Variants in ELAPOR1 observed in about 807,000 individuals in gnomAD.
ELAPOR1 encodes endosome-lysosome associated apoptosis and autophagy regulator 1.
In ELAPOR1, 77 loss-of-function variants were observed where a neutral mutation model predicts 119.7. The observed-to-expected ratio is 0.64, with a 90% CI of 0.54 to 0.78. The LOEUF is 0.78. ELAPOR1 is among the 30% of genes least tolerant of loss of function. The pLI is 0.00. For missense variants in ELAPOR1, 1,115 were observed against 1,270.4 expected (o/e 0.88, Z 1.86); for synonymous variants, 481 against 487.2 (o/e 0.99, Z 0.17).
chr1:109,170,679 G>C (rs1225959951), intron 3 of ELAPOR1, among the ~76,000 whole-genome samples: 1 of 152,202 alleles, frequency 6.6e-6, no homozygotes, highest in Admixed American at 6.5e-5. Flanking sequence ...CAGGGAGTCA[G>C]TCCCAGGGGT....
At chr1:109,120,959 G>A (rs1242163391) in intron 1 of ELAPOR1, among the ~76,000 whole-genome samples, 1 of 152,182 alleles carries the variant, frequency 6.6e-6, no homozygotes, top group Non-Finnish European at 1.5e-5. Flanking sequence ...AAACAGAAAT[G>A]TCACTCAATA....
chr1:109,180,952 G>T (rs1264846913), intron 7 of ELAPOR1, among the ~76,000 whole-genome samples: 1 of 152,112 alleles, frequency 6.6e-6, no homozygotes, highest in Non-Finnish European at 1.5e-5. Flanking sequence ...GACAGAGTGA[G>T]GCCCTGTCTC....
At chr1:109,144,765 T>C (rs1378146858) in intron 1 of ELAPOR1, among the ~76,000 whole-genome samples, 1 of 152,104 alleles carries the variant, frequency 6.6e-6, no homozygotes, top group African/African-American at 2.4e-5. Context: ...GAAATGGAAT[T>C]CTAGGATTGG....
At chr1:109,176,561 T>C (rs1414148786) in intron 7 of ELAPOR1, among the ~76,000 whole-genome samples, 2 of 152,126 alleles carry the variant, frequency 1.3e-5, no homozygotes, top group Non-Finnish European at 2.9e-5. Context: ...AAGTCATATT[T>C]ACCTACACAG....
In ELAPOR1 at chr1:109,165,698, G is replaced by T. The variant is rs17033774; in HGVS notation, c.467+1007G>T. Reference sequence around the variant, plus strand: ...TCTCAGCTTGACTGGAACACAATATGCAAAGCTTGGGTATCTTCCCGGCTT... The same window carrying T: ...TCTCAGCTTGACTGGAACACAATATTCAAAGCTTGGGTATCTTCCCGGCTT... On this transcript the variant is annotated intron_variant, in intron 3 of 21. Transcript: ENST00000369939. 5.4e-4 allele frequency among the ~76,000 whole-genome samples: 82 copies of T among 151,376 alleles called. 1 individual carries two copies. Among genetic ancestry groups the T allele is most frequent in the Middle Eastern group, 6.8e-3 (2 of 292 alleles).
At chr1:109,187,490 T>A in intron 8 of ELAPOR1, 1 of 1,000,276 alleles carries the variant, frequency 1.0e-6, no homozygotes, top group Non-Finnish European at 1.2e-6. Flanking sequence ...ACAGATCATG[T>A]TCATCAACCC....
At chr1:109,172,255 G>A (rs1465039147) in intron 4 of ELAPOR1, among the ~76,000 whole-genome samples, 1 of 152,218 alleles carries the variant, frequency 6.6e-6, no homozygotes, top group Non-Finnish European at 1.5e-5. Flanking sequence ...GCTCAGACAT[G>A]AAAACAGCAC....
chr1:109,143,814 C>T (rs1400556021), intron 1 of ELAPOR1, among the ~76,000 whole-genome samples: 1 of 151,696 alleles, frequency 6.6e-6, no homozygotes, highest in Non-Finnish European at 1.5e-5. Flanking sequence ...GGAGTACAGA[C>T]ATAAGCCACC....
chr1:109,191,700 G>A (rs201268610), intron 12 of ELAPOR1, 26 bp from the exon 13 acceptor site: 509 of 1,613,426 alleles, frequency 3.2e-4, no homozygotes, highest in South Asian at 9.2e-4. Flanking sequence ...CATCGCACCC[G>A]CTTCACTTGT....
chr1:109,179,855 G>A (rs970205337), intron 7 of ELAPOR1, among the ~76,000 whole-genome samples: 32 of 151,694 alleles, frequency 2.1e-4, no homozygotes, highest in African/African-American at 7.3e-4. Flanking sequence ...GCAGTGAGCC[G>A]AGATCACACC....
intron 1 of ELAPOR1, among the ~76,000 whole-genome samples, chr1:109,128,261 C>T (rs1017920728): frequency 6.6e-6 from 1 of 152,150 alleles, no homozygotes; most frequent in Non-Finnish European, 1.5e-5. Flanking sequence ...ATGTGGTTTT[C>T]TAAGTATGAA....
intron 1 of ELAPOR1, 65 bp downstream of exon 1, chr1:109,114,401 T>G: frequency 1.4e-6 from 2 of 1,472,590 alleles, no homozygotes. Context: ...GCGGAGACCT[T>G]GGGGACCCAG....
intron 1 of ELAPOR1, among the ~76,000 whole-genome samples, chr1:109,122,344 T>C (rs1165495634): frequency 7.6e-6 from 1 of 132,440 alleles, no homozygotes; most frequent in Non-Finnish European, 1.6e-5. Flanking sequence ...CAGCTTCAGA[T>C]AACCTTTCCA....
chr1:109,142,699 G>A (rs1365697920), intron 1 of ELAPOR1, among the ~76,000 whole-genome samples: 1 of 152,164 alleles, frequency 6.6e-6, no homozygotes, highest in Non-Finnish European at 1.5e-5. Context: ...ATACATTGCT[G>A]GTGGGAATAT....
chr1:109,160,403 A>G (rs1175893993), intron 1 of ELAPOR1, among the ~76,000 whole-genome samples: 1 of 152,122 alleles, frequency 6.6e-6, no homozygotes, highest in African/African-American at 2.4e-5. Context: ...TGTGTCATCA[A>G]GAAAGAAAAA....
chr1:109,149,390 T>C (rs1207636191), intron 1 of ELAPOR1, among the ~76,000 whole-genome samples: 1 of 151,990 alleles, frequency 6.6e-6, no homozygotes, highest in Non-Finnish European at 1.5e-5. Flanking sequence ...CTCAGTTTTG[T>C]GGGGGAGAGC....
chr1:109,118,339 AT>A (rs1230767590), intron 1 of ELAPOR1, among the ~76,000 whole-genome samples: 3 of 152,204 alleles, frequency 2.0e-5, no homozygotes, highest in Non-Finnish European at 4.4e-5. Flanking sequence ...GAAATGTGCA[AT>A]AGTGTGAGAT....
chr1:109,179,503 A>G (rs1652568960), intron 7 of ELAPOR1, among the ~76,000 whole-genome samples: 1 of 152,084 alleles, frequency 6.6e-6, no homozygotes, highest in Non-Finnish European at 1.5e-5. Flanking sequence ...GGTGGCGAGA[A>G]GTTGCATCTA....
At chr1:109,183,605 C>CTTCCCTCCCTCCCTCCTTCCTTCCTTCT (rs1558058236) in intron 7 of ELAPOR1, among the ~76,000 whole-genome samples, 2 of 109,042 alleles carry the variant, frequency 1.8e-5, no homozygotes, top group African/African-American at 7.0e-5. Context: ...TCCTTCCTTC[C>CTTCCCTCCCTCCCTCCTTCCTTCCTTCT]TTCCATCCTT....
Sources: allele counts gnomAD v4.1 joint callset (sites outside exome capture counted in the v4.1 genomes callset), GRCh38; gene constraint gnomAD v4.1.1; transcripts MANE v1.5; gene names NCBI Gene and HGNC (gene_info 2026-07-23, HGNC 2026-07-21).